Variants in CSMD1 observed in about 807,000 individuals in gnomAD.
CSMD1 encodes CUB and Sushi multiple domains 1.
CSMD1 carries 213 observed loss-of-function variants against 417.5 expected under a neutral mutation model. That is an observed-to-expected ratio of 0.51 (90% CI 0.46 to 0.57). CSMD1 has a LOEUF of 0.57. CSMD1 is among the 20% of genes least tolerant of loss of function. CSMD1 has a pLI of 0.00. For missense variants in CSMD1, 6,923 were observed against 4,529.7 expected (o/e 1.53, Z -15.17); for synonymous variants, 2,862 against 1,736.8 (o/e 1.65, Z -16.11).
At chr8:3,990,950 G>A (rs1352186199) in intron 5 of CSMD1, among the ~76,000 whole-genome samples, 6 of 152,144 alleles carry the variant, frequency 3.9e-5, no homozygotes, top group Non-Finnish European at 5.9e-5. Context: ...ATCTCTAGAT[G>A]ATGCTTTTCA....
At chr8:4,201,439 G>A (rs1236172730) in intron 3 of CSMD1, among the ~76,000 whole-genome samples, 1 of 149,576 alleles carries the variant, frequency 6.7e-6, no homozygotes, top group African/African-American at 2.5e-5. Flanking sequence ...TCAGGAGGCT[G>A]AGGCAGGAGA....
intron 23 of CSMD1, among the ~76,000 whole-genome samples, chr8:3,333,963 G>C (rs1408267130): frequency 6.6e-6 from 1 of 152,170 alleles, no homozygotes; most frequent in African/African-American, 2.4e-5. Flanking sequence ...CTGCCCCTCA[G>C]CTTGTATAGG....
chr8:4,659,136 G>C (rs956347060), intron 1 of CSMD1, among the ~76,000 whole-genome samples: 2 of 151,896 alleles, frequency 1.3e-5, no homozygotes, highest in Admixed American at 1.3e-4. Context: ...GGTCAAAGAA[G>C]AAATTCCATG....
At chr8:4,027,884 G>T (rs537996168) in intron 4 of CSMD1, among the ~76,000 whole-genome samples, 1 of 152,142 alleles carries the variant, frequency 6.6e-6, no homozygotes, top group Non-Finnish European at 1.5e-5. Flanking sequence ...CAAAGACACA[G>T]TAACTTTGAT....
chr8:4,558,401 T>A (rs1179155334), intron 2 of CSMD1, among the ~76,000 whole-genome samples: 1 of 152,196 alleles, frequency 6.6e-6, no homozygotes, highest in Non-Finnish European at 1.5e-5. Context: ...AAATTAATAA[T>A]CTTTTTTAAC....
chr8:4,773,035 A>G (rs918112174), intron 1 of CSMD1, among the ~76,000 whole-genome samples: 3 of 152,220 alleles, frequency 2.0e-5, no homozygotes, highest in African/African-American at 4.8e-5. Flanking sequence ...TACAGGTTGA[A>G]TATCTCTTAT....
chr8:3,776,547 A>G (rs1462916043), intron 5 of CSMD1, among the ~76,000 whole-genome samples: 1 of 152,124 alleles, frequency 6.6e-6, no homozygotes, highest in East Asian at 1.9e-4. Flanking sequence ...TCTGCATAGA[A>G]TGCCAGATAT....
rs576836654 is a variant in CSMD1, at chr8:3,504,503, A to C, written c.1345-10777T>G. On this transcript the variant is annotated intron_variant, in intron 10 of 69. Transcript: ENST00000635120. The stretch of plus-strand genomic sequence containing the variant: ...GGCAGTTGTGTTCATTATTATCCTC[A>C]TGGCAACCCTTCATAAAAACCTTGT... Among the ~76,000 whole-genome samples the C allele has an allele frequency of 1.1e-4, 16 of 152,298 alleles. No homozygotes were observed. The South Asian group carries it at 3.3e-3, about 32-fold the overall frequency.
At chr8:3,938,981 G>C (rs759823660) in intron 5 of CSMD1, among the ~76,000 whole-genome samples, 6 of 152,128 alleles carry the variant, frequency 3.9e-5, no homozygotes, top group Non-Finnish European at 5.9e-5. Flanking sequence ...GAGTATGAGA[G>C]TGTGGAATGG....
intron 3 of CSMD1, among the ~76,000 whole-genome samples, chr8:4,078,607 A>AT (rs201291774): frequency 2.5e-4 from 37 of 147,020 alleles, no homozygotes; most frequent in South Asian, 8.5e-4. Flanking sequence ...ATGAAATATA[A>AT]TTTTTTTTTT....
chr8:4,930,400 T>C (rs1272979157), intron 1 of CSMD1, among the ~76,000 whole-genome samples: 1 of 152,084 alleles, frequency 6.6e-6, no homozygotes, highest in East Asian at 1.9e-4. Context: ...TATATACACA[T>C]ATACATGCAC....
At chr8:3,851,205 T>A (rs1041129769) in intron 5 of CSMD1, among the ~76,000 whole-genome samples, 3 of 152,226 alleles carry the variant, frequency 2.0e-5, no homozygotes, top group East Asian at 1.9e-4. Flanking sequence ...CTGCTCATTA[T>A]GCTAGAAGGT....
chr8:3,314,000 C>G (rs989136707), intron 23 of CSMD1, among the ~76,000 whole-genome samples: 3 of 152,094 alleles, frequency 2.0e-5, no homozygotes, highest in African/African-American at 7.2e-5. Context: ...AACCATCATT[C>G]TCAGCAAACT....
intron 51 of CSMD1, among the ~76,000 whole-genome samples, chr8:3,023,336 A>AT (rs796438075): frequency 1.3e-5 from 2 of 151,928 alleles, no homozygotes; most frequent in Admixed American, 6.6e-5. Context: ...TGCAAAAATT[A>AT]TTTTTTCTGG....
intron 5 of CSMD1, among the ~76,000 whole-genome samples, chr8:3,774,649 C>T (rs977573736): frequency 6.6e-6 from 1 of 152,066 alleles, no homozygotes; most frequent in African/African-American, 2.4e-5. Context: ...CTGTGGACAA[C>T]CTAGCTGGAG....
intron 13 of CSMD1, among the ~76,000 whole-genome samples, chr8:3,409,155 G>C (rs565066367): frequency 1.3e-5 from 2 of 152,178 alleles, no homozygotes; most frequent in Admixed American, 6.5e-5. Flanking sequence ...TGGAAACAAC[G>C]ATATATGTGA....
intron 2 of CSMD1, among the ~76,000 whole-genome samples, chr8:4,450,698 A>C (rs895910978): frequency 6.6e-6 from 1 of 152,188 alleles, no homozygotes; most frequent in African/African-American, 2.4e-5. Flanking sequence ...TGTATAACAC[A>C]TCACAGAGTT....
intron 3 of CSMD1, among the ~76,000 whole-genome samples, chr8:4,244,991 C>G (rs916199935): frequency 1.3e-5 from 2 of 152,076 alleles, no homozygotes; most frequent in Admixed American, 1.3e-4. Context: ...GGAAGTAAAT[C>G]GACAAACATC....
intron 23 of CSMD1, among the ~76,000 whole-genome samples, chr8:3,326,823 T>C (rs746441759): frequency 1.3e-5 from 2 of 152,210 alleles, no homozygotes; most frequent in African/African-American, 4.8e-5. Flanking sequence ...ATAGCAGAAG[T>C]GTAAAAATGC....
Sources: gnomAD v4.1 joint callset for allele counts (sites outside exome capture counted in the v4.1 genomes callset) on GRCh38, gnomAD v4.1.1 for gene constraint, MANE v1.5 for transcripts, NCBI Gene and HGNC (gene_info 2026-07-23, HGNC 2026-07-21) for gene names.